CLVS1: variants seen among roughly 807,000 people sequenced by gnomAD.
CLVS1 encodes clavesin-1.
A neutral mutation model predicts 33.1 loss-of-function variants in CLVS1; 10 were observed. The observed-to-expected ratio is 0.30, with a 90% CI of 0.19 to 0.51. The LOEUF (loss-of-function observed/expected upper bound fraction) is 0.51, where lower values mean the gene tolerates loss of function less well. CLVS1 is among the 20% of genes least tolerant of loss of function. The pLI is 0.97. For synonymous variants in CLVS1, 163 were observed against 166.1 expected (o/e 0.98, Z 0.14); for missense variants, 343 against 433.4 (o/e 0.79, Z 1.85).
Position 61,499,949 on chromosome 8 carries a change from A to AGTT in CLVS1, c.*408_*410dup, listed in dbSNP as rs558719412. On this transcript the variant is annotated 3_prime_UTR_variant, in exon 6 of 6. Transcript: ENST00000325897. The stretch of plus-strand genomic sequence containing the variant: ...GTGCATTTCCAAGTAAATGTATCAG[A>AGTT]GTTAAACTGTACAGACACCACTGTC... 32 of 175,468 alleles carry AGTT rather than the reference A, an allele frequency of 1.8e-4. No homozygotes were observed. The highest frequency in any genetic ancestry group is 1.3e-3 in the Admixed American group (23 of 18,034). The allele number at this position is 175,468 out of a possible 1,614,324, so 10.9% of individuals were successfully genotyped here.
chr8:60,997,470 C>T, the CLVS1 span, among the ~76,000 whole-genome samples: 1 of 152,254 alleles, frequency 6.6e-6, no homozygotes, highest in South Asian at 2.1e-4. Flanking sequence ...TATGCATGCA[C>T]ATATATTTAT....
chr8:61,193,779 C>G (rs1006743427), intron 2 of CLVS1, among the ~76,000 whole-genome samples: 25 of 151,914 alleles, frequency 1.6e-4, no homozygotes, highest in African/African-American at 5.5e-4. Flanking sequence ...AAAACACACT[C>G]TAATAGAAAG....
Position 61,325,821 on chromosome 8 carries a change from C to A in CLVS1, c.455+25539C>A, listed in dbSNP as rs556377070. Among the ~76,000 whole-genome samples, 9 of 152,240 alleles carry A rather than the reference C, an allele frequency of 5.9e-5. No homozygotes were observed. The East Asian group carries it at 1.7e-3, about 29-fold the overall frequency. On this transcript the variant is annotated intron_variant, in intron 2 of 5. Transcript: ENST00000325897. ...TATTTTCCAACCCAACAAGTCCTGG[C>A]CTTATACCCCTCCTCTAAAGTATAC...
chr8:61,424,941 C>T (rs1815823394), intron 3 of CLVS1, among the ~76,000 whole-genome samples: 1 of 152,160 alleles, frequency 6.6e-6, no homozygotes, highest in South Asian at 2.1e-4. Context: ...AAGAATAGAG[C>T]ACTGACATGA....
chr8:61,354,675 A>G (rs1812615829), intron 2 of CLVS1, among the ~76,000 whole-genome samples: 2 of 152,326 alleles, frequency 1.3e-5, no homozygotes, highest in Middle Eastern at 3.4e-3. Flanking sequence ...TTATATATGT[A>G]ACAACTTTGA....
chr8:61,397,112 A>T (rs577771664), intron 3 of CLVS1, among the ~76,000 whole-genome samples: 1 of 152,240 alleles, frequency 6.6e-6, no homozygotes, highest in Admixed American at 6.5e-5. Flanking sequence ...AAACTGTCAA[A>T]CCATTTTCCA....
chr8:61,114,497 T>C (rs1253523423), intron 1 of CLVS1, among the ~76,000 whole-genome samples: 6 of 152,188 alleles, frequency 3.9e-5, no homozygotes, highest in African/African-American at 1.4e-4. Flanking sequence ...CCTTTAATGG[T>C]TCAAAAGAAG....
At chr8:61,208,198 C>T (rs1807896197) in intron 2 of CLVS1, among the ~76,000 whole-genome samples, 1 of 152,194 alleles carries the variant, frequency 6.6e-6, no homozygotes, top group Non-Finnish European at 1.5e-5. Context: ...CACCAGAACA[C>T]TTGCTAAGGG....
At chr8:61,068,561 C>A (rs1455945130) in intron 1 of CLVS1, among the ~76,000 whole-genome samples, 2 of 152,122 alleles carry the variant, frequency 1.3e-5, no homozygotes, top group Admixed American at 6.5e-5. Context: ...TCTCAAGACC[C>A]ATTCTCAATT....
At chr8:61,379,437 G>C (rs1388930493) in intron 3 of CLVS1, among the ~76,000 whole-genome samples, 2 of 135,306 alleles carry the variant, frequency 1.5e-5, no homozygotes, top group South Asian at 2.5e-4. Flanking sequence ...GCAGGGACAA[G>C]GTGGTTGGGC....
chr8:61,426,109 C>T (rs893561829), intron 3 of CLVS1, among the ~76,000 whole-genome samples: 1 of 152,198 alleles, frequency 6.6e-6, no homozygotes, highest in Non-Finnish European at 1.5e-5. Context: ...ACGCTTCCAT[C>T]TCACACTCCG....
At chr8:61,357,693 G>C (rs1360491045) in intron 2 of CLVS1, among the ~76,000 whole-genome samples, 1 of 151,156 alleles carries the variant, frequency 6.6e-6, no homozygotes, top group African/African-American at 2.4e-5. Flanking sequence ...TTTTAGTAGA[G>C]ACAGGGTTTC....
Position 61,458,391 on chromosome 8 carries a change from C to A in CLVS1, c.826C>A (p.Pro276Thr). ...FLPSEFGGTL[P>T]PYDMGTWART... ...GCCCTCTGAATTTGGAGGAACTCTT[C>A]CTCCTTATGACATGGGAACTTGGGC... The change falls in exon 5 of 6, where the codon CCT becomes ACT. Residue 276 changes from proline to threonine, a missense_variant. Around this residue, in one of 4 missense-constraint regions of CLVS1, gnomAD observed 3 missense variants for 17.1 expected, o/e 0.18. Transcript: ENST00000325897. 1 of 1,614,162 alleles carries A rather than the reference C, an allele frequency of 6.2e-7. No homozygotes were observed. The highest frequency in any genetic ancestry group is 8.5e-7 in the Non-Finnish European group (1 of 1,180,000).
chr8:61,145,286 G>A (rs1356170767), intron 2 of CLVS1, among the ~76,000 whole-genome samples: 1 of 152,190 alleles, frequency 6.6e-6, no homozygotes, highest in African/African-American at 2.4e-5. Flanking sequence ...ATGAAAAAGT[G>A]GGCGAAGGAT....
chr8:61,300,491 C>T, intron 2 of CLVS1: 1 of 492,674 alleles, frequency 2.0e-6, no homozygotes, highest in Non-Finnish European at 3.6e-6. Context: ...TGTAAGAGAC[C>T]TTAGAAGTCA....
intron 5 of CLVS1, among the ~76,000 whole-genome samples, chr8:61,483,585 C>G (rs1356287206): frequency 6.6e-6 from 1 of 152,212 alleles, no homozygotes; most frequent in Non-Finnish European, 1.5e-5. Context: ...TTTCCTCTCC[C>G]TAACACATTT....
intron 1 of CLVS1, among the ~76,000 whole-genome samples, chr8:61,109,540 T>C (rs1805591750): frequency 6.6e-6 from 1 of 152,232 alleles, no homozygotes; most frequent in African/African-American, 2.4e-5. Flanking sequence ...ATATTTATAC[T>C]AAAAAATTAT....
chr8:61,478,122 C>T (rs989111808), intron 5 of CLVS1, among the ~76,000 whole-genome samples: 6 of 152,112 alleles, frequency 3.9e-5, no homozygotes, highest in East Asian at 1.9e-4. Context: ...TGTAGTTGAG[C>T]GGTTTTGAGT....
At chr8:60,981,871 G>T in the CLVS1 span, among the ~76,000 whole-genome samples, 3 of 152,266 alleles carry the variant, frequency 2.0e-5, no homozygotes, top group African/African-American at 7.2e-5. Context: ...CGAAGCAGGA[G>T]GCGCGACGAA....
Sources: allele counts gnomAD v4.1 joint callset (sites outside exome capture counted in the v4.1 genomes callset), GRCh38; gene constraint gnomAD v4.1.1; regional missense constraint gnomAD v4.1.1; transcripts MANE v1.5; gene names NCBI Gene and HGNC (gene_info 2026-07-23, HGNC 2026-07-21).